Variants in ALMS1 observed in about 807,000 individuals in gnomAD.
ALMS1 encodes centrosome-associated protein ALMS1.
In ALMS1, 271 loss-of-function variants were observed where a neutral mutation model predicts 352.2. That is an observed-to-expected ratio of 0.77 (90% CI 0.70 to 0.85). ALMS1 has a LOEUF of 0.85. Ranked by LOEUF, ALMS1 falls within the 40% of genes least tolerant of loss-of-function variation. The probability of loss-of-function intolerance (pLI) is 0.00; values close to 1 mark genes in which losing one functional copy is unlikely to be tolerated. For synonymous variants in ALMS1, 1,865 were observed against 1,761.2 expected (o/e 1.06, Z -1.48); for missense variants, 5,445 against 4,870.7 (o/e 1.12, Z -3.51).
chr2:73,588,510 G>A (rs1393035291), intron 16 of ALMS1, among the ~76,000 whole-genome samples: 1 of 151,656 alleles, frequency 6.6e-6, no homozygotes, highest in Non-Finnish European at 1.5e-5. Flanking sequence ...TTCTCTGTGT[G>A]TTTTCACTCT....
chr2:73,510,757 C>T (rs537069323), intron 10 of ALMS1, among the ~76,000 whole-genome samples: 84 of 152,348 alleles, frequency 5.5e-4, no homozygotes, highest in Non-Finnish European at 1.1e-3. Context: ...GGGAGATCTG[C>T]TGCTCTATTC....
At chr2:73,587,003 T>G (rs372166397) in intron 16 of ALMS1, among the ~76,000 whole-genome samples, 1,899 of 148,898 alleles carry the variant, frequency 0.013, 48 homozygotes, top group African/African-American at 0.044. Context: ...TTGTGTTTTT[T>G]TTTGTTTGTT....
At chr2:73,506,201 T>C (rs1673316719) in intron 10 of ALMS1, among the ~76,000 whole-genome samples, 1 of 152,190 alleles carries the variant, frequency 6.6e-6, no homozygotes, top group Admixed American at 6.5e-5. Context: ...CCTTGTAGTA[T>C]AGTTTGAAGT....
At chr2:73,576,946 A>G (rs1187167702) in intron 16 of ALMS1, among the ~76,000 whole-genome samples, 7 of 151,972 alleles carry the variant, frequency 4.6e-5, no homozygotes, top group Admixed American at 4.6e-4. Flanking sequence ...TATTCTGTTA[A>G]TATGGTGTAT....
intron 10 of ALMS1, among the ~76,000 whole-genome samples, chr2:73,494,472 G>A (rs919952759): frequency 2.0e-5 from 3 of 152,124 alleles, no homozygotes; most frequent in African/African-American, 7.2e-5. Context: ...GATTTCACCA[G>A]GTTTTTCCAC....
chr2:73,583,071 G>A (rs1675222893), intron 16 of ALMS1, among the ~76,000 whole-genome samples: 1 of 151,752 alleles, frequency 6.6e-6, no homozygotes, highest in Admixed American at 6.6e-5. Context: ...CATCCTCATG[G>A]GTGTGAGGTA....
chr2:73,410,733 A>G (rs1276150378), intron 2 of ALMS1, among the ~76,000 whole-genome samples: 1 of 152,198 alleles, frequency 6.6e-6, no homozygotes, highest in East Asian at 1.9e-4. Context: ...CATAGTTATA[A>G]ACTTTGAAGA....
chr2:73,596,860 C>CTTTTTTTTTTTTTTTTTTT (rs70965740), intron 16 of ALMS1, among the ~76,000 whole-genome samples: 25 of 104,242 alleles, frequency 2.4e-4, no homozygotes, highest in East Asian at 3.1e-4. Flanking sequence ...CCCTCTACCT[C>CTTTTTTTTTTTTTTTTTTT]TTTTTTTTTT....
At position 73,453,256 on chromosome 2, in the gene ALMS1, T is replaced by C. The variant is rs745661762; in HGVS notation, c.6729T>C (p.Asp2243=). 3 of 1,613,860 alleles carry C rather than the reference T, an allele frequency of 1.9e-6. No individual in the cohort carries two copies. In the East Asian group the frequency reaches 6.7e-5, roughly 36 times the overall value. ...AACCAGAATCTGCAGGTTTTAGAGA[T>C]GTTGGCTCTGAAGAAATCCAGGATG... ...INKPESAGFR[D]VGSEEIQDAE... Residue 2243 remains aspartate, a synonymous_variant, in exon 8 of 23, where the codon GAT becomes GAC. Transcript: ENST00000613296.
chr2:73,502,238 A>G (rs931483710), intron 10 of ALMS1, among the ~76,000 whole-genome samples: 1 of 152,068 alleles, frequency 6.6e-6, no homozygotes, highest in South Asian at 2.1e-4. Flanking sequence ...ACATATATCT[A>G]TTTGTTCTCT....
intron 16 of ALMS1, among the ~76,000 whole-genome samples, chr2:73,597,950 C>A (rs377235596): frequency 6.6e-6 from 1 of 152,206 alleles, no homozygotes; most frequent in Non-Finnish European, 1.5e-5. Flanking sequence ...GTAAATTCTC[C>A]TGCTTTCCAT....
At chr2:73,589,292 AT>A (rs1675373998) in intron 16 of ALMS1, among the ~76,000 whole-genome samples, 1 of 152,212 alleles carries the variant, frequency 6.6e-6, no homozygotes, top group Non-Finnish European at 1.5e-5. Flanking sequence ...GTAAAAGACC[AT>A]TTTGAGCTTC....
chr2:73,569,215 A>G (rs1674870351), intron 15 of ALMS1, among the ~76,000 whole-genome samples: 1 of 151,554 alleles, frequency 6.6e-6, no homozygotes, highest in Non-Finnish European at 1.5e-5. Flanking sequence ...GGGTTTCACC[A>G]TGTTGGCCAG....
chr2:73,416,646 T>G (rs1671186720), intron 2 of ALMS1, among the ~76,000 whole-genome samples: 1 of 152,208 alleles, frequency 6.6e-6, no homozygotes, highest in Non-Finnish European at 1.5e-5. Context: ...AAGATACCTA[T>G]ATTCTCTTAG....
At chr2:73,417,490 A>C (rs2103697112) in intron 2 of ALMS1, among the ~76,000 whole-genome samples, 1 of 152,328 alleles carries the variant, frequency 6.6e-6, no homozygotes, top group South Asian at 2.1e-4. Context: ...TATATGTGTG[A>C]AAATGTTAAA....
chr2:73,590,599 A>T (rs1197968797), intron 16 of ALMS1, among the ~76,000 whole-genome samples: 1 of 151,260 alleles, frequency 6.6e-6, no homozygotes, highest in Non-Finnish European at 1.5e-5. Flanking sequence ...TTTTCTCTGA[A>T]GGTTTTTTTC....
intron 16 of ALMS1, among the ~76,000 whole-genome samples, chr2:73,596,927 A>T (rs1300598277): frequency 1.1e-4 from 10 of 94,590 alleles, no homozygotes; most frequent in African/African-American, 4.3e-4. Flanking sequence ...TGCCATTTCT[A>T]TATAAAGTTG....
At chr2:73,537,928 C>A (rs1476658735) in intron 12 of ALMS1, among the ~76,000 whole-genome samples, 1 of 152,120 alleles carries the variant, frequency 6.6e-6, no homozygotes, top group Non-Finnish European at 1.5e-5. Context: ...ATCACTTGAA[C>A]CCTCGAGTTT....
chr2:73,407,645 C>A (rs957249019), intron 1 of ALMS1, among the ~76,000 whole-genome samples: 19 of 152,166 alleles, frequency 1.2e-4, no homozygotes, highest in African/African-American at 4.6e-4. Context: ...CAGGTGAGGT[C>A]TAGTGGTAAT....
Sources: allele counts gnomAD v4.1 joint callset (sites outside exome capture counted in the v4.1 genomes callset), GRCh38; gene constraint gnomAD v4.1.1; transcripts MANE v1.5; gene names NCBI Gene and HGNC (gene_info 2026-07-23, HGNC 2026-07-21).